FAR2: variants seen among roughly 807,000 people sequenced by gnomAD.
FAR2 encodes epididymis secretory protein Li 81.
In FAR2, 19 loss-of-function variants were observed where a neutral mutation model predicts 56.0. That is an observed-to-expected ratio of 0.34 (90% CI 0.24 to 0.50). The LOEUF is 0.50. Ranked by LOEUF, FAR2 falls within the 20% of genes least tolerant of loss-of-function variation. The pLI is 0.98. For missense variants in FAR2, 508 were observed against 642.2 expected (o/e 0.79, Z 2.26); for synonymous variants, 219 against 218.8 (o/e 1.00, Z -0.01).
chr12:29,302,351 G>A (rs185876637), intron 4 of FAR2, among the ~76,000 whole-genome samples: 2 of 152,040 alleles, frequency 1.3e-5, no homozygotes, highest in African/African-American at 2.4e-5. Context: ...GTGGTGGTGG[G>A]GAAACAGGTC....
chr12:29,248,371 G>T (rs952373954), intron 1 of FAR2, among the ~76,000 whole-genome samples: 2 of 152,090 alleles, frequency 1.3e-5, no homozygotes, highest in Non-Finnish European at 2.9e-5. Flanking sequence ...GCGTCCAGGG[G>T]AGACATCACA....
intron 1 of FAR2, among the ~76,000 whole-genome samples, chr12:29,267,847 C>A (rs74833523): frequency 0.036 from 5,405 of 152,170 alleles, 314 homozygotes; most frequent in African/African-American, 0.12. Flanking sequence ...GTCATTGACC[C>A]CTGTTTTACT....
At chr12:29,322,073 G>A in intron 10 of FAR2, 149 bp downstream of exon 10, 1 of 851,348 alleles carries the variant, frequency 1.2e-6, no homozygotes, top group Non-Finnish European at 1.7e-6. Flanking sequence ...ATCAGTCAAT[G>A]CTATCAACAC....
intron 1 of FAR2, among the ~76,000 whole-genome samples, chr12:29,265,560 G>A (rs1037028695): frequency 5.9e-5 from 9 of 152,152 alleles, no homozygotes; most frequent in East Asian, 1.9e-4. Flanking sequence ...ATAAGATCTC[G>A]AACTATGAAA....
At chr12:29,160,115 A>T (rs1229729837) in intron 1 of FAR2, among the ~76,000 whole-genome samples, 3 of 152,204 alleles carry the variant, frequency 2.0e-5, no homozygotes, top group Non-Finnish European at 4.4e-5. Context: ...GACCAGAACA[A>T]CATGGGGTAA....
intron 1 of FAR2, among the ~76,000 whole-genome samples, chr12:29,163,332 T>C (rs1032141796): frequency 3.3e-5 from 5 of 152,196 alleles, no homozygotes; most frequent in African/African-American, 1.2e-4. Context: ...ACACTGAGTA[T>C]GTGTTTAGTG....
rs760216218 is a variant in FAR2 at position 29,311,990 on chromosome 12, C to G, written c.955+40C>G. The G allele has an allele frequency of 1.6e-5, 23 of 1,455,078 alleles. No individual in the cohort carries two copies. The South Asian group carries it at 2.4e-4, about 15-fold the overall frequency. The allele number at this position is 1,455,078 out of a possible 1,614,324, so 90.1% of individuals were successfully genotyped here. On this transcript the variant is annotated intron_variant, in intron 8 of 11. Transcript: ENST00000536681. ...TATGTAACTCTATAATTACTAGTGT[C>G]TGGCACAGAGAAAAAGTTGACAAAG...
rs55827253 is a variant in FAR2 at position 29,174,423 on chromosome 12, C to CTTTTTT, written c.-39+25040_-39+25045dup. 7.0e-4 allele frequency among the ~76,000 whole-genome samples: 39 copies of CTTTTTT among 55,424 alleles called. 1 individual carries two copies. The highest frequency in any genetic ancestry group is 2.0e-3 in the South Asian group (2 of 982). The allele number at this position is 55,424 out of a possible 152,430, so 36.4% of individuals were successfully genotyped here. ...CCAGAGACAGGGAGTGGTTTTTATT[C>CTTTTTT]TTTTTTTTTTTTTTTTTTTTTTTTT... On this transcript the variant is annotated intron_variant, in intron 1 of 11. Transcript: ENST00000536681.
In FAR2 at chr12:29,331,179, A is replaced by C. The variant is rs188630567; in HGVS notation, c.1258-1421A>C. Among the ~76,000 whole-genome samples, 113 of 150,228 alleles carry C rather than the reference A, an allele frequency of 7.5e-4. 1 individual carries two copies. Among genetic ancestry groups the C allele is most frequent in the African/African-American group, 2.7e-3 (109 of 40,910 alleles). On this transcript the variant is annotated intron_variant, in intron 10 of 11. Coordinates refer to ENST00000536681, the MANE Select transcript of FAR2 (RefSeq NM_001271783.2). ...TAAGAGTAACGAGCAACTTTCTTTC[A>C]CTGTACGTGAAACTCTCCACTAAAG...
intron 10 of FAR2, among the ~76,000 whole-genome samples, chr12:29,327,193 C>G (rs1284964044): frequency 6.6e-6 from 1 of 152,114 alleles, no homozygotes; most frequent in East Asian, 1.9e-4. Context: ...ATCCAACTTA[C>G]AAGGGATATG....
At chr12:29,313,211 T>A (rs1410418759) in intron 8 of FAR2, among the ~76,000 whole-genome samples, 1 of 151,976 alleles carries the variant, frequency 6.6e-6, no homozygotes, top group Non-Finnish European at 1.5e-5. Context: ...TTACAAGGAG[T>A]GACAGACAGC....
intron 2 of FAR2, among the ~76,000 whole-genome samples, chr12:29,285,002 C>T (rs6487798): frequency 0.12 from 18,899 of 151,898 alleles, 1,462 homozygotes; most frequent in African/African-American, 0.21. Flanking sequence ...CCACCACGCC[C>T]GGCTAATTTT....
At chr12:29,290,898 A>G (rs1159159998) in intron 2 of FAR2, among the ~76,000 whole-genome samples, 1 of 152,184 alleles carries the variant, frequency 6.6e-6, no homozygotes, top group Non-Finnish European at 1.5e-5. Flanking sequence ...AAGGGTGGCA[A>G]ACAATAGAAG....
intron 1 of FAR2, among the ~76,000 whole-genome samples, chr12:29,248,305 C>T (rs183929496): frequency 3.1e-4 from 47 of 152,204 alleles, no homozygotes; most frequent in Admixed American, 2.3e-3. Flanking sequence ...CCTTAAGCAT[C>T]GGCCAGCTTG....
At chr12:29,328,586 T>C (rs1949682712) in intron 10 of FAR2, among the ~76,000 whole-genome samples, 1 of 152,048 alleles carries the variant, frequency 6.6e-6, no homozygotes, top group South Asian at 2.1e-4. Context: ...GTTCATGTCC[T>C]TTGTAGGGAC....
intron 10 of FAR2, among the ~76,000 whole-genome samples, chr12:29,327,875 A>C (rs956641237): frequency 1.4e-4 from 22 of 152,042 alleles, no homozygotes; most frequent in Non-Finnish European, 7.4e-5. Flanking sequence ...CACCAAAAGC[A>C]ATGGCAACAA....
At chr12:29,271,591 C>G (rs1948619414) in intron 2 of FAR2, among the ~76,000 whole-genome samples, 1 of 152,178 alleles carries the variant, frequency 6.6e-6, no homozygotes, top group Admixed American at 6.5e-5. Flanking sequence ...TCTGTTAGCA[C>G]AGCACATTGT....
At chr12:29,261,971 T>A (rs1388430156) in intron 1 of FAR2, among the ~76,000 whole-genome samples, 2 of 152,224 alleles carry the variant, frequency 1.3e-5, no homozygotes, top group African/African-American at 4.8e-5. Flanking sequence ...GAAGAAATCA[T>A]CTGAAGGTAC....
chr12:29,180,572 A>G (rs1949982350), intron 1 of FAR2, among the ~76,000 whole-genome samples: 1 of 152,212 alleles, frequency 6.6e-6, no homozygotes. Context: ...CCAGACACAT[A>G]TTTACATTTT....
Sources: allele counts gnomAD v4.1 joint callset (sites outside exome capture counted in the v4.1 genomes callset), GRCh38; gene constraint gnomAD v4.1.1; transcripts MANE v1.5; gene names NCBI Gene and HGNC (gene_info 2026-07-23, HGNC 2026-07-21).